PATJ: variants seen among roughly 807,000 people sequenced by gnomAD.
PATJ encodes inaD-like protein.
In PATJ, 190 loss-of-function variants were observed where a neutral mutation model predicts 224.9. That is an observed-to-expected ratio of 0.84 (90% CI 0.75 to 0.95). PATJ has a LOEUF of 0.95. Ranked by LOEUF, PATJ falls within the 40% of genes least tolerant of loss-of-function variation. The pLI is 0.00. For missense variants in PATJ, 2,121 were observed against 2,270.3 expected (o/e 0.93, Z 1.34); for synonymous variants, 769 against 820.3 (o/e 0.94, Z 1.07).
chr1:62,019,306 G>A (rs930567861), intron 29 of PATJ, among the ~76,000 whole-genome samples: 4 of 150,026 alleles, frequency 2.7e-5, no homozygotes, highest in African/African-American at 4.9e-5. Context: ...GGCAGATCAC[G>A]AGGTCAGGAG....
In PATJ at chr1:62,112,454, C is replaced by T. The variant is rs529988102; in HGVS notation, c.4462-1599C>T. Among the ~76,000 whole-genome samples the T allele has an allele frequency of 4.6e-5, 7 of 152,240 alleles. No individual in the cohort carries two copies. In the East Asian group the frequency reaches 5.8e-4, roughly 13 times the overall value. ...CCGGAAAGCGGAGGCTGCAATGAGCCGGGATCGCACCACTATACTCCAGCC... is the reference window on the plus strand; with the variant it reads ...CCGGAAAGCGGAGGCTGCAATGAGCTGGGATCGCACCACTATACTCCAGCC... On this transcript the variant is annotated intron_variant, in intron 34 of 43. Transcript: ENST00000642238.
Position 61,939,122 on chromosome 1 carries a change from C to CA in PATJ, c.3670+11319dup, listed in dbSNP as rs560139042. On this transcript the variant is annotated intron_variant, in intron 27 of 43. Coordinates refer to ENST00000642238, the MANE Select transcript of PATJ (RefSeq NM_001350145.3). ...TGGGCGACAGAGCGAGACTCCATCT[C>CA]AAAAAAAAAAAAAAAAAAAAAAAAA... Among the ~76,000 whole-genome samples the CA allele has an allele frequency of 6.2e-3, 358 of 57,470 alleles. 23 individuals are homozygous for CA. The highest frequency in any genetic ancestry group is 0.016 in the Middle Eastern group (1 of 64). 37.7% of individuals were successfully genotyped at this position (57,470 alleles called of 152,430 possible).
At position 61,766,380 on chromosome 1, in the gene PATJ, G is replaced by T; in HGVS notation, c.291G>T (p.Arg97Ser). 1 of 1,611,354 alleles carries T rather than the reference G, an allele frequency of 6.2e-7. No individual in the cohort carries two copies. Among genetic ancestry groups the T allele is most frequent in the Non-Finnish European group, 8.5e-7 (1 of 1,178,378 alleles). The change falls in exon 4 of 44, where the codon AGG (arginine) becomes AGT (serine). Residue 97 changes from arginine to serine, a missense_variant. Coordinates refer to ENST00000642238, the MANE Select transcript of PATJ (RefSeq NM_001350145.3). ...CCATCACTAATGGAAATGTCCACAG[G>T]CCCTCTAATAACTCGACTGTATCTG... ...DGSITNGNVH[R>S]PSNNSTVSGL...
At chr1:61,790,834 G>C (rs1222286113) in intron 8 of PATJ, among the ~76,000 whole-genome samples, 1 of 151,032 alleles carries the variant, frequency 6.6e-6, no homozygotes, top group Non-Finnish European at 1.5e-5. Flanking sequence ...TTCTTACAAA[G>C]GCCAAAATCA....
intron 37 of PATJ, among the ~76,000 whole-genome samples, chr1:62,119,208 T>C (rs531711801): frequency 2.6e-5 from 4 of 152,294 alleles, no homozygotes; most frequent in Admixed American, 6.5e-5. Flanking sequence ...ATGGGTGAGA[T>C]AGAAGAGTTT....
At chr1:61,867,637 C>T (rs12080123) in intron 20 of PATJ, among the ~76,000 whole-genome samples, 5,546 of 151,346 alleles carry the variant, frequency 0.037, 166 homozygotes, top group African/African-American at 0.084. Flanking sequence ...ATAGGCTCCC[C>T]AAACCAGCAT....
At chr1:62,136,665 CTGTGTGT>C (rs1666922810) in intron 41 of PATJ, among the ~76,000 whole-genome samples, 1 of 46,834 alleles carries the variant, frequency 2.1e-5, no homozygotes, top group South Asian at 7.3e-4. Flanking sequence ...GTGTGTGTGT[CTGTGTGT>C]GTGTGTGTGT....
chr1:62,093,724 T>C (rs1661054040), intron 33 of PATJ, among the ~76,000 whole-genome samples: 1 of 152,202 alleles, frequency 6.6e-6, no homozygotes. Context: ...AAGTCAAATT[T>C]AATAAATAAT....
At chr1:61,830,192 A>AGT (rs1659057858) in intron 16 of PATJ, among the ~76,000 whole-genome samples, 1 of 152,240 alleles carries the variant, frequency 6.6e-6, no homozygotes, top group Non-Finnish European at 1.5e-5. Context: ...ACTGTACAAA[A>AGT]ATCAGTAACA....
At chr1:61,920,039 G>A (rs1674059544) in intron 26 of PATJ, among the ~76,000 whole-genome samples, 2 of 151,860 alleles carry the variant, frequency 1.3e-5, no homozygotes, top group African/African-American at 4.8e-5. Flanking sequence ...TTTTTTGTTA[G>A]CATAACCTAA....
chr1:61,767,337 C>A (rs886500717), intron 4 of PATJ, among the ~76,000 whole-genome samples: 1 of 151,924 alleles, frequency 6.6e-6, no homozygotes, highest in Non-Finnish European at 1.5e-5. Flanking sequence ...AGTTCAAGAC[C>A]AGCCTGGGCA....
chr1:61,970,070 A>G (rs997098273), intron 27 of PATJ, among the ~76,000 whole-genome samples: 3 of 142,560 alleles, frequency 2.1e-5, no homozygotes, highest in Non-Finnish European at 4.7e-5. Flanking sequence ...GGTTTTTTGT[A>G]TTTTTTTTTT....
Position 62,163,285 on chromosome 1 carries a change from A to G in PATJ, c.*2231A>G, listed in dbSNP as rs1669965999. 1 of 153,228 alleles carries G rather than the reference A, an allele frequency of 6.5e-6. No homozygotes were observed. Among genetic ancestry groups the G allele is most frequent in the East Asian group, 1.9e-4 (1 of 5,190 alleles). 9.5% of individuals were successfully genotyped at this position (153,228 alleles called of 1,614,324 possible). A position where few individuals can be genotyped will look rare whatever the true frequency, so the allele number is the denominator to read the frequency against. On this transcript the variant is annotated 3_prime_UTR_variant, in exon 44 of 44. Transcript: ENST00000642238. ...ATTTCTAATGTATCCAAGATGTGCA[A>G]TGTTGTTAGGATCTCATTCTTCAGT...
At position 61,914,589 on chromosome 1, in the gene PATJ, C is replaced by T. The variant is rs1385154840; in HGVS notation, c.3495C>T (p.Val1165=). 6 of 1,495,516 alleles carry T rather than the reference C, an allele frequency of 4.0e-6. No individual in the cohort carries two copies. Among genetic ancestry groups the T allele is most frequent in the Non-Finnish European group, 5.6e-6 (6 of 1,079,738 alleles). The allele number at this position is 1,495,516 out of a possible 1,614,324, so 92.6% of individuals were successfully genotyped here. Residue 1165 remains valine, a splice_region_variant and synonymous_variant, in exon 26 of 44, where the codon GTC becomes GTT. Coordinates refer to ENST00000642238, the MANE Select transcript of PATJ (RefSeq NM_001350145.3). ...CACCCCTTTTTTTGTCACCATAGGT[C>T]ATTCCTAACGTACATAACAAGGCCA... The part of the protein sequence containing the change: ...IVQSLSSTPR[V]IPNVHNKANK...
chr1:61,951,616 G>T (rs974234661), intron 27 of PATJ, among the ~76,000 whole-genome samples: 7 of 151,972 alleles, frequency 4.6e-5, no homozygotes, highest in Non-Finnish European at 8.8e-5. Flanking sequence ...TTTTTCTAGT[G>T]GGTTTTCTGA....
chr1:62,154,351 ACTG>A (rs1668944175), intron 43 of PATJ, among the ~76,000 whole-genome samples: 1 of 151,942 alleles, frequency 6.6e-6, no homozygotes, highest in Non-Finnish European at 1.5e-5. Flanking sequence ...ATCTTGTTGA[ACTG>A]CTTTGTTTTC....
chr1:61,766,551 C>A, intron 4 of PATJ, 78 bp downstream of exon 4: 1 of 975,214 alleles, frequency 1.0e-6, no homozygotes, highest in Non-Finnish European at 1.5e-6. Flanking sequence ...TATACTCATT[C>A]TTTTTGCTGT....
intron 26 of PATJ, 117 bp downstream of exon 26, chr1:61,914,781 C>T: frequency 2.0e-6 from 1 of 503,594 alleles, no homozygotes; most frequent in Admixed American, 3.5e-5. Context: ...TGTAGGAGCA[C>T]TATATTTATA....
chr1:61,802,953 G>A (rs1451548271), intron 12 of PATJ, among the ~76,000 whole-genome samples: 76 of 152,152 alleles, frequency 5.0e-4, no homozygotes, highest in Non-Finnish European at 1.0e-4. Context: ...GCTTTGTCTT[G>A]TCTCAGGTCA....
Sources: allele counts gnomAD v4.1 joint callset (sites outside exome capture counted in the v4.1 genomes callset), GRCh38; gene constraint gnomAD v4.1.1; transcripts MANE v1.5; gene names NCBI Gene and HGNC (gene_info 2026-07-23, HGNC 2026-07-21).